The following ZFR variants were observed in gnomAD, a reference collection of about 807,000 sequenced individuals.
The protein encoded by ZFR is zinc finger RNA-binding protein.
In ZFR, 19 loss-of-function variants were observed where a neutral mutation model predicts 130.7. That is an observed-to-expected ratio of 0.15 (90% confidence interval 0.10 to 0.21). The LOEUF is 0.21. ZFR is among the 10% of genes least tolerant of loss of function. The pLI, the probability that ZFR is intolerant of heterozygous loss-of-function variation, is 1.00. For synonymous variants in ZFR, 466 were observed against 456.9 expected (o/e 1.02, Z -0.25); for missense variants, 872 against 1,321.5 (o/e 0.66, Z 5.27).
intron 5 of ZFR, among the ~76,000 whole-genome samples, chr5:32,407,489 AAAG>A (rs1753602493): frequency 6.6e-6 from 1 of 151,580 alleles, no homozygotes; most frequent in South Asian, 2.1e-4. Flanking sequence ...AAAAGAGATA[AAAG>A]AAGAGGAAAA....
rs1329498598 is a variant in ZFR at position 32,354,606 on chromosome 5, A to T, written c.*1154T>A. 1.3e-5 allele frequency: 2 copies of T among 152,640 alleles called. No individual in the cohort carries two copies. The highest frequency in any genetic ancestry group is 2.9e-5 in the Non-Finnish European group (2 of 68,034). 9.5% of individuals were successfully genotyped at this position (152,640 alleles called of 1,614,324 possible). On this transcript the variant is annotated 3_prime_UTR_variant, in exon 20 of 20. Transcript: ENST00000265069. ...AGACATAAGCAGGTAAGATGGCCAC[A>T]CCAAATAATTTTCTGTTTTTTTCCT...
chr5:32,441,573 T>C (rs1754475655), intron 2 of ZFR, among the ~76,000 whole-genome samples: 1 of 151,952 alleles, frequency 6.6e-6, no homozygotes, highest in Non-Finnish European at 1.5e-5. Flanking sequence ...AAGATTTTCC[T>C]GAGTTTGAGA....
chr5:32,364,394 A>G, intron 17 of ZFR, 119 bp from the exon 18 acceptor site: 1 of 632,642 alleles, frequency 1.6e-6, no homozygotes, highest in Non-Finnish European at 2.7e-6. Context: ...AGAACAAGTC[A>G]CAAAAACAGA....
At chr5:32,376,546 G>C (rs2111698156) in intron 17 of ZFR, among the ~76,000 whole-genome samples, 1 of 151,638 alleles carries the variant, frequency 6.6e-6, no homozygotes, top group African/African-American at 2.4e-5. Flanking sequence ...AGCTGAGATA[G>C]CCGTACTGTA....
intron 10 of ZFR, among the ~76,000 whole-genome samples, chr5:32,396,746 T>TA (rs562823263): frequency 2.7e-3 from 396 of 145,666 alleles, no homozygotes; most frequent in Non-Finnish European, 2.0e-3. Flanking sequence ...TCCATCTCAT[T>TA]AAAAAAAAAA....
intron 4 of ZFR, among the ~76,000 whole-genome samples, chr5:32,416,397 C>T (rs765099648): frequency 9.2e-5 from 14 of 151,970 alleles, no homozygotes; most frequent in Admixed American, 2.0e-4. Context: ...GGCAGATCAC[C>T]TGAGGTTAGG....
At chr5:32,423,794 G>A (rs1007264497) in intron 2 of ZFR, among the ~76,000 whole-genome samples, 1 of 152,096 alleles carries the variant, frequency 6.6e-6, no homozygotes, top group Non-Finnish European at 1.5e-5. Context: ...TGTCTCCAGA[G>A]AGGGAAAAAC....
chr5:32,375,940 C>T (rs1158248851), intron 17 of ZFR, among the ~76,000 whole-genome samples: 1 of 151,602 alleles, frequency 6.6e-6, no homozygotes, highest in Admixed American at 6.6e-5. Context: ...GCCCTGAGTT[C>T]AAGTGATTCT....
intron 2 of ZFR, among the ~76,000 whole-genome samples, chr5:32,433,674 C>A (rs534899018): frequency 6.6e-6 from 1 of 152,314 alleles, no homozygotes; most frequent in South Asian, 2.1e-4. Context: ...TCTAATAACT[C>A]ATTTCTACAC....
At chr5:32,371,875 A>T (rs539646882) in intron 17 of ZFR, among the ~76,000 whole-genome samples, 3 of 152,268 alleles carry the variant, frequency 2.0e-5, no homozygotes, top group East Asian at 3.9e-4. Flanking sequence ...AAAAAAAAAA[A>T]ACTTCATAGA....
At chr5:32,390,704 T>C (rs1581692411) in intron 11 of ZFR, among the ~76,000 whole-genome samples, 1 of 152,336 alleles carries the variant, frequency 6.6e-6, no homozygotes, top group East Asian at 1.9e-4. Flanking sequence ...TCTCCTGCTT[T>C]AAGTATGAAT....
chr5:32,370,387 C>T (rs144086429), intron 17 of ZFR, among the ~76,000 whole-genome samples: 2 of 150,446 alleles, frequency 1.3e-5, no homozygotes, highest in Non-Finnish European at 3.0e-5. Context: ...GACAGACAGA[C>T]AGACAGACAT....
chr5:32,388,664 C>T lies in ZFR; in HGVS notation c.2153G>A (p.Arg718His), dbSNP rs752734469. 13 of 1,612,846 alleles carry T rather than the reference C, an allele frequency of 8.1e-6. No homozygotes were observed. The highest frequency in any genetic ancestry group is 3.3e-5 in the Admixed American group (2 of 59,936). ...PQPQGPAPLR[R>H]PDSSDDRYVM... ...ATAACGGTCATCAGATGAGTCAGGA[C>T]GACGTAAGGGCTACAGAGAAACAAA... The change falls in exon 13 of 20, where the codon CGT becomes CAT. Residue 718 changes from arginine (R) to histidine (H), a missense_variant. Arg to His is a conservative substitution (Grantham distance 29). Transcript: ENST00000265069.
At chr5:32,385,725 T>G in intron 14 of ZFR, 76 bp from the exon 15 acceptor site, 1 of 1,535,956 alleles carries the variant, frequency 6.5e-7, no homozygotes, top group East Asian at 2.3e-5. Flanking sequence ...TATGGCTCTT[T>G]CACTCTCTTA....
chr5:32,424,574 A>C (rs1754030465), intron 2 of ZFR, among the ~76,000 whole-genome samples: 1 of 152,082 alleles, frequency 6.6e-6, no homozygotes, highest in Non-Finnish European at 1.5e-5. Context: ...TAATGAATGA[A>C]TTCAGGAAAT....
chr5:32,396,691 C>G (rs928696168), intron 10 of ZFR, among the ~76,000 whole-genome samples: 3 of 152,056 alleles, frequency 2.0e-5, no homozygotes, highest in Non-Finnish European at 2.9e-5. Context: ...CTGCAGTGAG[C>G]CGAGATCATG....
At chr5:32,444,507 C>T (rs979334448) in intron 1 of ZFR, 115 bp downstream of exon 1, 8 of 1,329,018 alleles carry the variant, frequency 6.0e-6, no homozygotes, top group Middle Eastern at 2.4e-4. Flanking sequence ...CACTCGCACG[C>T]CCGGGTGGCG....
chr5:32,430,223 G>GA (rs1372530247), intron 2 of ZFR, among the ~76,000 whole-genome samples: 1 of 151,864 alleles, frequency 6.6e-6, no homozygotes, highest in Admixed American at 6.6e-5. Context: ...AAGCACACTT[G>GA]AAGTAAAAGA....
chr5:32,402,917 G>A (rs1348846328), intron 8 of ZFR, among the ~76,000 whole-genome samples, 189 bp downstream of exon 8: 1 of 151,916 alleles, frequency 6.6e-6, no homozygotes, highest in Admixed American at 6.6e-5. Context: ...ATGGCTGAAG[G>A]GAAGAAACCA....
Sources: gnomAD v4.1 joint callset for allele counts (sites outside exome capture counted in the v4.1 genomes callset) on GRCh38, gnomAD v4.1.1 for gene constraint, MANE v1.5 for transcripts, NCBI Gene and HGNC (gene_info 2026-07-23, HGNC 2026-07-21) for gene names.